Variants in SFI1 observed in about 807,000 individuals in gnomAD.
SFI1 encodes the protein SFI1 centrin binding protein.
In SFI1, 195 loss-of-function variants were observed where a neutral mutation model predicts 207.5. The ratio of observed to expected loss-of-function variants is 0.94; its 90% confidence interval spans 0.84 to 1.06. The LOEUF (loss-of-function observed/expected upper bound fraction) is 1.06, where lower values mean the gene tolerates loss of function less well. SFI1 is among the 50% of genes least tolerant of loss of function. SFI1 has a pLI of 0.00. For missense variants in SFI1, 1,634 were observed against 1,588.0 expected (o/e 1.03, Z -0.49); for synonymous variants, 630 against 598.9 (o/e 1.05, Z -0.76).
intron 8 of SFI1, among the ~76,000 whole-genome samples, chr22:31,566,566 C>T (rs1272790438): frequency 6.6e-6 from 1 of 152,212 alleles, no homozygotes; most frequent in Non-Finnish European, 1.5e-5. Context: ...GCCTCTATCA[C>T]CTATTAGCTT....
chr22:31,518,707 A>G (rs1426699001), intron 2 of SFI1, among the ~76,000 whole-genome samples: 3 of 152,176 alleles, frequency 2.0e-5, no homozygotes, highest in African/African-American at 7.2e-5. Context: ...GGTTCCCACC[A>G]TTCCCTAACT....
At chr22:31,564,591 A>G (rs1335473156) in intron 8 of SFI1, among the ~76,000 whole-genome samples, 1 of 150,928 alleles carries the variant, frequency 6.6e-6, no homozygotes, top group Non-Finnish European at 1.5e-5. Context: ...TGTAGTCTTG[A>G]CCTCCCAGGC....
At chr22:31,498,145 A>G (rs1024680269) in intron 1 of SFI1, among the ~76,000 whole-genome samples, 4 of 152,146 alleles carry the variant, frequency 2.6e-5, no homozygotes, top group Non-Finnish European at 5.9e-5. Flanking sequence ...AATACAAAAT[A>G]TTAGCCGGAT....
chr22:31,546,628 CTTTTTT>C (rs1023474233), intron 4 of SFI1, among the ~76,000 whole-genome samples: 5 of 120,226 alleles, frequency 4.2e-5, no homozygotes, highest in African/African-American at 1.5e-4. Context: ...CCGATGTTTA[CTTTTTT>C]TTTTTTTTTT....
intron 8 of SFI1, among the ~76,000 whole-genome samples, chr22:31,567,800 A>G (rs142872421): frequency 1.2e-4 from 19 of 152,328 alleles, no homozygotes; most frequent in African/African-American, 4.6e-4. Flanking sequence ...GATTTTCAAA[A>G]CAAACTGAAA....
chr22:31,512,832 G>A (rs1450940416), intron 2 of SFI1, among the ~76,000 whole-genome samples: 4 of 151,986 alleles, frequency 2.6e-5, no homozygotes, highest in African/African-American at 9.7e-5. Context: ...GACTACAGGC[G>A]CCTGCCACCA....
chr22:31,584,021 A>T, intron 13 of SFI1, 49 bp downstream of exon 13: 2 of 1,490,336 alleles, frequency 1.3e-6, no homozygotes, highest in Non-Finnish European at 9.3e-7. Context: ...TGTGCCTCTG[A>T]CTTACTGTTT....
At chr22:31,571,958 C>CTAT (rs917672766) in intron 8 of SFI1, among the ~76,000 whole-genome samples, 21 of 151,534 alleles carry the variant, frequency 1.4e-4, no homozygotes, top group African/African-American at 4.6e-4. Flanking sequence ...TTTCAAAAAT[C>CTAT]TATAGAGAGT....
intron 1 of SFI1, among the ~76,000 whole-genome samples, chr22:31,500,727 G>A (rs1206942340): frequency 1.3e-5 from 2 of 151,982 alleles, no homozygotes; most frequent in Non-Finnish European, 2.9e-5. Context: ...AAAGTGCTGG[G>A]ATTACAGGCG....
Position 31,604,923 on chromosome 22 carries a change from C to G in SFI1, c.2032C>G (p.Gln678Glu). 5.0e-6 allele frequency: 8 copies of G among 1,610,914 alleles called. No individual in the cohort carries two copies. The highest frequency in any genetic ancestry group is 6.8e-6 in the Non-Finnish European group (8 of 1,178,476). ...ILREVAARESQHNRQLLRGAL... is the reference protein window; with the variant it reads ...ILREVAARESEHNRQLLRGAL... ...CCGGGAGGTGGCAGCCAGGGAGAGCCAGCACAACAGGCAGCTGCTGCGGTG... is the reference window on the plus strand; with the variant it reads ...CCGGGAGGTGGCAGCCAGGGAGAGCGAGCACAACAGGCAGCTGCTGCGGTG... Residue 678 changes from glutamine (Q) to glutamate (E), a missense_variant, in exon 20 of 33, where the codon CAG becomes GAG. Gln to Glu is a conservative substitution (Grantham distance 29). Transcript: ENST00000400288.
At chr22:31,544,437 T>C (rs149642449) in intron 4 of SFI1, among the ~76,000 whole-genome samples, 197 of 152,270 alleles carry the variant, frequency 1.3e-3, no homozygotes, top group African/African-American at 4.6e-3. Flanking sequence ...AAAATATTTT[T>C]CATTCTGGTG....
At position 31,591,121 on chromosome 22, in the gene SFI1, G is replaced by A. The variant is rs370669596; in HGVS notation, c.1544+1544G>A. 3.3e-5 allele frequency among the ~76,000 whole-genome samples: 5 copies of A among 152,040 alleles called. No homozygotes were observed. In the East Asian group the frequency reaches 5.8e-4, roughly 18 times the overall value. ...TAGGCAGAGGACCCTGCGGCCTTCC[G>A]CAGTGTTTGTGTCCCTGGTTACTTG... On this transcript the variant is annotated intron_variant, in intron 15 of 32. Transcript: ENST00000400288.
At chr22:31,609,697 T>C (rs537702177) in intron 22 of SFI1, among the ~76,000 whole-genome samples, 1 of 152,350 alleles carries the variant, frequency 6.6e-6, no homozygotes, top group African/African-American at 2.4e-5. Flanking sequence ...GCTGCATTAC[T>C]GCGCCACGAA....
intron 15 of SFI1, among the ~76,000 whole-genome samples, chr22:31,594,716 G>A (rs62237810): frequency 0.046 from 6,858 of 150,050 alleles, 135 homozygotes; most frequent in African/African-American, 0.053. Context: ...TTAGCCGGGC[G>A]TGGTGGTGGG....
intron 8 of SFI1, among the ~76,000 whole-genome samples, chr22:31,562,250 C>A (rs1169986024): frequency 1.3e-5 from 2 of 152,112 alleles, no homozygotes; most frequent in South Asian, 2.1e-4. Flanking sequence ...TAACAGAGAC[C>A]TTATGGTCTA....
intron 2 of SFI1, among the ~76,000 whole-genome samples, chr22:31,514,811 C>T (rs544020558): frequency 1.9e-4 from 28 of 149,150 alleles, no homozygotes; most frequent in African/African-American, 5.9e-4. Context: ...CTCACTCTGT[C>T]GCCAGGCTGG....
chr22:31,568,773 C>G (rs369985052), intron 8 of SFI1, among the ~76,000 whole-genome samples: 2 of 151,852 alleles, frequency 1.3e-5, no homozygotes, highest in African/African-American at 2.4e-5. Context: ...TGGAAGGGTT[C>G]CCAGGGCTTA....
intron 21 of SFI1, 112 bp from the exon 22 acceptor site, chr22:31,607,825 C>A: frequency 3.6e-6 from 3 of 826,900 alleles, no homozygotes; most frequent in Non-Finnish European, 5.9e-6. Context: ...GTGTGAGAAG[C>A]AAATGGCAAC....
chr22:31,571,650 T>C (rs981451756), intron 8 of SFI1, among the ~76,000 whole-genome samples: 1 of 152,150 alleles, frequency 6.6e-6, no homozygotes, highest in Non-Finnish European at 1.5e-5. Flanking sequence ...TTTGCTTTCT[T>C]TAAGTATATA....
Sources: allele counts gnomAD v4.1 joint callset (sites outside exome capture counted in the v4.1 genomes callset), GRCh38; gene constraint gnomAD v4.1.1; transcripts MANE v1.5; gene names NCBI Gene and HGNC (gene_info 2026-07-23, HGNC 2026-07-21).